The following CIB1 variants were observed in gnomAD, a reference collection of about 807,000 sequenced individuals.
CIB1 encodes calcium and integrin-binding protein 1.
A neutral mutation model predicts 25.0 loss-of-function variants in CIB1; 19 were observed. The ratio of observed to expected loss-of-function variants is 0.76; its 90% CI spans 0.53 to 1.12. CIB1 has a LOEUF of 1.12. CIB1 is among the 50% of genes most tolerant of loss of function. The probability of loss-of-function intolerance (pLI) is 0.00; values close to 1 mark genes in which losing one functional copy is unlikely to be tolerated. For synonymous variants in CIB1, 104 were observed against 98.5 expected (o/e 1.06, Z -0.33); for missense variants, 236 against 242.6 (o/e 0.97, Z 0.18).
At chr15:90,256,152 TC>T in the CIB1 span, 10 of 1,613,988 alleles carry the variant, frequency 6.2e-6, no homozygotes, top group Admixed American at 1.3e-4. Context: ...TATGGGGACT[TC>T]CAGTCCTACG....
intron 3 of CIB1, 44 bp from the exon 4 acceptor site, chr15:90,231,551 C>T (rs1238283004): frequency 1.2e-5 from 19 of 1,594,372 alleles, no homozygotes; most frequent in Non-Finnish European, 1.6e-5. Flanking sequence ...GTCACACGCT[C>T]ATTAAAGCCT....
At chr15:90,241,994 T>C in the CIB1 span, 4 of 1,614,030 alleles carry the variant, frequency 2.5e-6, no homozygotes, top group Non-Finnish European at 3.4e-6. Flanking sequence ...TTCAGGACTG[T>C]CGGCTGCCCC....
the CIB1 span, chr15:90,265,413 G>A: frequency 7.9e-7 from 1 of 1,271,076 alleles, no homozygotes. Flanking sequence ...CTGGGCAGCC[G>A]CTGGGGCGGA....
chr15:90,258,832 C>T, the CIB1 span: 1 of 1,614,200 alleles, frequency 6.2e-7, no homozygotes, highest in South Asian at 1.1e-5. Context: ...CCCTTGTCAA[C>T]CTCCGGGGCT....
At chr15:90,261,864 G>A in the CIB1 span, 10 of 613,768 alleles carry the variant, frequency 1.6e-5, no homozygotes, top group Non-Finnish European at 2.7e-5. Context: ...CCAAAGATGG[G>A]CTTGGCAGCT....
intron 2 of CIB1, among the ~76,000 whole-genome samples, 169 bp downstream of exon 2, chr15:90,233,500 G>A (rs4932306): frequency 0.33 from 49,979 of 152,168 alleles, 9,127 homozygotes; most frequent in East Asian, 0.69. Context: ...AGGCGAGGGC[G>A]GGGAGGGCGT....
At chr15:90,233,773 C>T (rs1962566132) in intron 1 of CIB1, 62 bp downstream of exon 1, 2 of 1,551,740 alleles carry the variant, frequency 1.3e-6, no homozygotes, top group Non-Finnish European at 1.7e-6. Flanking sequence ...AGCCAGCTCC[C>T]GGACCCTGCT....
the CIB1 span, chr15:90,258,071 G>A: frequency 6.2e-7 from 1 of 1,614,200 alleles, no homozygotes; most frequent in Non-Finnish European, 8.5e-7. Context: ...GGCTGCAAGA[G>A]CACAGCTACA....
upstream of CIB1, among the ~76,000 whole-genome samples, chr15:90,236,429 G>A (rs946241636): frequency 2.6e-5 from 4 of 152,228 alleles, no homozygotes; most frequent in African/African-American, 9.6e-5. Context: ...ACTTGGCTCT[G>A]AACCCTTCAT....
chr15:90,230,269 T>C lies in CIB1; in HGVS notation c.*215A>G, dbSNP rs987461328. On this transcript the variant is annotated 3_prime_UTR_variant, in exon 7 of 7. Transcript: ENST00000328649. ...ATAGGGTCAAACTTCTAAACCTTTATTACTGATTAGTACAAACACAAACGG... is the reference window on the plus strand; with the variant it reads ...ATAGGGTCAAACTTCTAAACCTTTACTACTGATTAGTACAAACACAAACGG... 6 of 609,438 alleles carry C rather than the reference T, an allele frequency of 9.8e-6. No individual in the cohort carries two copies. The highest frequency in any genetic ancestry group is 9.3e-5 in the African/African-American group (5 of 53,820). 37.8% of individuals were successfully genotyped at this position (609,438 alleles called of 1,614,324 possible).
At chr15:90,263,961 C>G in the CIB1 span, 2 of 1,535,814 alleles carry the variant, frequency 1.3e-6, no homozygotes, top group South Asian at 2.4e-5. Context: ...AGAACTTCAA[C>G]TGGACAGGAG....
At chr15:90,260,476 G>C in the CIB1 span, among the ~76,000 whole-genome samples, 1 of 152,138 alleles carries the variant, frequency 6.6e-6, no homozygotes, top group South Asian at 2.1e-4. Flanking sequence ...CAGCCTGGAC[G>C]ATAGAGTGAG....
At chr15:90,262,787 A>C in the CIB1 span, 3 of 1,223,052 alleles carry the variant, frequency 2.5e-6, no homozygotes, top group Admixed American at 2.9e-5. Context: ...AGGAGTTCCT[A>C]ATCAGTAAAT....
chr15:90,252,658 C>A, the CIB1 span, among the ~76,000 whole-genome samples: 1 of 152,096 alleles, frequency 6.6e-6, no homozygotes, highest in African/African-American at 2.4e-5. Flanking sequence ...CAGTGTGACC[C>A]CACCTATAGG....
At chr15:90,250,077 C>T in the CIB1 span, among the ~76,000 whole-genome samples, 2 of 151,934 alleles carry the variant, frequency 1.3e-5, no homozygotes, top group African/African-American at 4.8e-5. Context: ...CCTCCCTCAG[C>T]CTCCCGAGTA....
At chr15:90,256,130 T>TGGTG in the CIB1 span, 1 of 1,613,404 alleles carries the variant, frequency 6.2e-7, no homozygotes, top group African/African-American at 1.3e-5. Flanking sequence ...CCAGGCCCTC[T>TGGTG]CTGCACATAG....
At chr15:90,242,176 C>A in the CIB1 span, 1 of 889,588 alleles carries the variant, frequency 1.1e-6, no homozygotes, top group Non-Finnish European at 1.7e-6. Context: ...TAGCCTCCAC[C>A]TCTGGGGCTG....
the CIB1 span, chr15:90,264,586 C>T: frequency 2.0e-6 from 2 of 995,006 alleles, no homozygotes; most frequent in Non-Finnish European, 2.9e-6. Flanking sequence ...AATTACAATA[C>T]AGTGTGGGAA....
At position 90,231,130 on chromosome 15, in the gene CIB1, G is replaced by A. The variant is rs1393038331; in HGVS notation, c.430C>T (p.Leu144Phe). 5 of 1,614,180 alleles carry A rather than the reference G, an allele frequency of 3.1e-6. No individual in the cohort carries two copies. The highest frequency in any genetic ancestry group is 2.2e-5 in the South Asian group (2 of 91,086). ...AGCTGCTTCATCTCAGACGCACTAA[G>A]CCGTGTGTCCTCGCCCTCTCCCGTG... ...CLTGEGEDTR[L>F]SASEMKQLID... is the part of the protein sequence containing the mutation. Residue 144 changes from leucine to phenylalanine, a missense_variant, in exon 5 of 7, where the codon CTT becomes TTT. Physicochemically the swap from Leu to Phe is conservative, Grantham distance 22. Coordinates refer to ENST00000328649, the MANE Select transcript of CIB1 (RefSeq NM_006384.4).
Sources: allele counts gnomAD v4.1 joint callset (sites outside exome capture counted in the v4.1 genomes callset), GRCh38; gene constraint gnomAD v4.1.1; transcripts MANE v1.5; gene names NCBI Gene and HGNC (gene_info 2026-07-23, HGNC 2026-07-21).